Variants in EPS8 observed in about 807,000 individuals in gnomAD.
The protein encoded by EPS8 is EGFR pathway substrate 8, signaling adaptor.
Under a neutral mutation model 103.8 loss-of-function variants are expected in EPS8, and 42 were observed. The ratio of observed to expected loss-of-function variants is 0.40; its 90% CI spans 0.32 to 0.52. The LOEUF (loss-of-function observed/expected upper bound fraction) is 0.52. Ranked by LOEUF, EPS8 falls within the 20% of genes least tolerant of loss-of-function variation. The pLI is 0.40. For missense variants in EPS8, 969 were observed against 1,005.1 expected, an observed-to-expected ratio of 0.96 and a Z score of 0.49; for synonymous variants, 344 against 344.6, an observed-to-expected ratio of 1.00 and a Z score of 0.02.
chr12:15,760,068 C>G lies in EPS8; in HGVS notation c.-22+29093G>C, dbSNP rs938871932. Among the ~76,000 whole-genome samples, 9 of 151,768 alleles carry G rather than the reference C, an allele frequency of 5.9e-5. No homozygotes were observed. The highest frequency in any genetic ancestry group is 3.4e-3 in the Middle Eastern group (1 of 294). On this transcript the variant is annotated intron_variant, in intron 1 of 20. Transcript: ENST00000281172. This position sits in a 1 kb window ranked among gnomAD's most constrained non-coding sequence, Gnocchi z 4.5. ...CAAAATTGATGAACCTTTAGCCATA[C>G]TAAGAAAGAAAGAAAGATCTAAGTA...
intron 18 of EPS8, 142 bp downstream of exon 18, chr12:15,631,300 C>T: frequency 5.1e-6 from 6 of 1,175,250 alleles, no homozygotes; most frequent in Non-Finnish European, 7.1e-6. Flanking sequence ...TGATGAGAAA[C>T]CAGGTGAAAA....
intron 1 of EPS8, among the ~76,000 whole-genome samples, chr12:15,742,042 C>G (rs577993163): frequency 2.0e-5 from 3 of 152,172 alleles, no homozygotes; most frequent in African/African-American, 7.2e-5. Context: ...AGGACATGAA[C>G]TCATCCTTTT....
At position 15,731,064 on chromosome 12, in the gene EPS8, AATATAT is replaced by A. The variant is rs1946710495; in HGVS notation, c.-21-48098_-21-48093del. Among the ~76,000 whole-genome samples, 1 of 152,310 alleles carries A rather than the reference AATATAT, an allele frequency of 6.6e-6. No homozygotes were observed. Among genetic ancestry groups the A allele is most frequent in the South Asian group, 2.1e-4 (1 of 4,826 alleles). On this transcript the variant is annotated intron_variant, in intron 1 of 20. Coordinates refer to ENST00000281172, the MANE Select transcript of EPS8 (RefSeq NM_004447.6). This position sits in a 1 kb window ranked among gnomAD's most constrained non-coding sequence, Gnocchi z 5.1. ...CTCTTGTGCAAAAAGTTCAGTCAAA[AATATAT>A]ATCATAGTACCTTAAAGGCATATCT...
intron 18 of EPS8, 34 bp downstream of exon 18, chr12:15,631,408 C>A (rs760027043): frequency 4.3e-6 from 7 of 1,612,748 alleles, no homozygotes; most frequent in Non-Finnish European, 5.9e-6. Flanking sequence ...TTTTAATTTG[C>A]AGAAGACATT....
At position 15,660,677 on chromosome 12, in the gene EPS8, C is replaced by A; in HGVS notation, c.874G>T (p.Glu292Ter). The change falls in exon 10 of 21, where the codon GAA becomes TAA. Residue 292 changes from glutamate (E) to a stop codon, truncating the protein, a stop_gained. Coordinates refer to ENST00000281172, the MANE Select transcript of EPS8 (RefSeq NM_004447.6). LOFTEE classifies it high-confidence loss of function. ...CTTTTAGAAAGCTCAGAAAATGCTT[C>A]TGCTGCTTTTTGGAGTTTTGTGATA... ...FFITKLQKAA[E>*]AFSELSKRKK... 1 of 1,611,776 alleles carries A rather than the reference C, an allele frequency of 6.2e-7. No individual in the cohort carries two copies. Among genetic ancestry groups the A allele is most frequent in the South Asian group, 1.1e-5 (1 of 90,940 alleles).
At chr12:15,732,737 C>T (rs1215899400) in intron 1 of EPS8, 1 of 976,330 alleles carries the variant, frequency 1.0e-6, no homozygotes, top group East Asian at 1.1e-4. Context: ...ATAAAGAGAA[C>T]ACAAAAGTAC....
chr12:15,773,708 A>G (rs1947178500), intron 1 of EPS8, among the ~76,000 whole-genome samples: 1 of 152,160 alleles, frequency 6.6e-6, no homozygotes, highest in South Asian at 2.1e-4. Flanking sequence ...TAATCTCAGG[A>G]CAACATTATT....
In EPS8 at chr12:15,693,435, T is replaced by C. The variant is rs1342880713; in HGVS notation, c.-21-10463A>G. Among the ~76,000 whole-genome samples the C allele has an allele frequency of 2.6e-5, 4 of 152,216 alleles. No homozygotes were observed. Among genetic ancestry groups the C allele is most frequent in the Non-Finnish European group, 4.4e-5 (3 of 68,036 alleles). On this transcript the variant is annotated intron_variant, in intron 1 of 20. Coordinates refer to ENST00000281172, the MANE Select transcript of EPS8 (RefSeq NM_004447.6). This position sits in a 1 kb window ranked among gnomAD's most constrained non-coding sequence, Gnocchi z 5.6. ...GGAGGCATCTGGGATCCAAGTTCAC[T>C]TTAAACACATGACTAATAAATCCTA...
At chr12:15,666,280 A>T (rs1194227802) in intron 7 of EPS8, among the ~76,000 whole-genome samples, 160 bp downstream of exon 7, 1 of 152,252 alleles carries the variant, frequency 6.6e-6, no homozygotes, top group African/African-American at 2.4e-5. Context: ...AGGAGTAAAC[A>T]CACTGACAAA....
In EPS8 at chr12:15,706,008, CA is replaced by C. The variant is rs1419593437; in HGVS notation, c.-21-23037del. Among the ~76,000 whole-genome samples the C allele has an allele frequency of 1.3e-5, 2 of 152,064 alleles. No individual in the cohort carries two copies. Among genetic ancestry groups the C allele is most frequent in the Non-Finnish European group, 2.9e-5 (2 of 68,020 alleles). On this transcript the variant is annotated intron_variant, in intron 1 of 20. Transcript: ENST00000281172. The surrounding 1 kb of genome is among the most constrained non-coding windows in gnomAD (Gnocchi z 5.2). Reference sequence around the variant, plus strand: ...CACATGTGTTGCTGCTACCACCTATCAGCTATTTTTTTTTTAACTCAAAGAA... The same window carrying C: ...CACATGTGTTGCTGCTACCACCTATCGCTATTTTTTTTTTAACTCAAAGAA...
In EPS8 at chr12:15,647,184, A is replaced by C. The variant is rs768567367; in HGVS notation, c.1511T>G (p.Leu504Arg). 1 of 1,614,078 alleles carries C rather than the reference A, an allele frequency of 6.2e-7. No individual in the cohort carries two copies. Among genetic ancestry groups the C allele is most frequent in the Non-Finnish European group, 8.5e-7 (1 of 1,179,966 alleles). ...AGCAACAGCAGCTTCCCCTTGGTCCAGGTGGGATCCTCTTGTGTAAATGTT... is the reference window on the plus strand; with the variant it reads ...AGCAACAGCAGCTTCCCCTTGGTCCCGGTGGGATCCTCTTGTGTAAATGTT... ...SSNIYTRGSH[L>R]DQGEAAVAFK... Residue 504 changes from leucine (L) to arginine (R), a missense_variant, in exon 15 of 21, where the codon CTG becomes CGG. Transcript: ENST00000281172.
chr12:15,658,494 T>C lies in EPS8; in HGVS notation c.1026+3A>G, dbSNP rs1730960486. 1.3e-6 allele frequency: 2 copies of C among 1,580,008 alleles called. No homozygotes were observed. ...TAATTCTATATACATAAATTTCACT[T>C]ACCAGAAGGTTAAATCCGTGTTTAA... On this transcript the variant is annotated splice_donor_region_variant and intron_variant, in intron 11 of 20. Transcript: ENST00000281172.
In EPS8 at chr12:15,643,434, T is replaced by G. The variant is rs1415268823; in HGVS notation, c.1569-1604A>C. Among the ~76,000 whole-genome samples, 5 of 152,102 alleles carry G rather than the reference T, an allele frequency of 3.3e-5. No individual in the cohort carries two copies. The South Asian group carries it at 8.3e-4, about 25-fold the overall frequency. ...CAAACAGACAATCACAATTTGTAATTTTTCAGAGATGCCAGACTTTCTTGG... is the reference window on the plus strand; with the variant it reads ...CAAACAGACAATCACAATTTGTAATGTTTCAGAGATGCCAGACTTTCTTGG... On this transcript the variant is annotated intron_variant, in intron 15 of 20. Transcript: ENST00000281172.
chr12:15,788,130 C>CA (rs1460839458), intron 1 of EPS8: 1 of 152,160 alleles, frequency 6.6e-6, no homozygotes, highest in East Asian at 1.9e-4. Context: ...TCCTATTTCC[C>CA]AAAAATGACA....
chr12:15,766,569 T>C (rs1194630255), intron 1 of EPS8, among the ~76,000 whole-genome samples: 1 of 151,628 alleles, frequency 6.6e-6, no homozygotes, highest in Non-Finnish European at 1.5e-5. Context: ...TCCCAGCTAC[T>C]TGGGAGGCTG....
chr12:15,789,106 GA>G lies in EPS8; in HGVS notation c.-22+54del, dbSNP rs1947341295. The G allele has an allele frequency of 6.6e-6, 1 of 152,136 alleles. No homozygotes were observed. Among genetic ancestry groups the G allele is most frequent in the Non-Finnish European group, 1.5e-5 (1 of 68,028 alleles). 9.4% of individuals were successfully genotyped at this position (152,136 alleles called of 1,614,324 possible). ...CACAAAGGCGGATTTTTAAAATCGA[GA>G]AAGTCAAAGCCGCCGGACCCCGGGA... On this transcript the variant is annotated intron_variant, in intron 1 of 20. Coordinates refer to ENST00000281172, the MANE Select transcript of EPS8 (RefSeq NM_004447.6). This position sits in a 1 kb window ranked among gnomAD's most constrained non-coding sequence, Gnocchi z 6.1.
chr12:15,703,918 C>T (rs1164943587), intron 1 of EPS8, among the ~76,000 whole-genome samples: 1 of 134,384 alleles, frequency 7.4e-6, no homozygotes, highest in Non-Finnish European at 1.5e-5. Context: ...TCTCCAAACT[C>T]CGTAATTATC....
intron 18 of EPS8, 138 bp downstream of exon 18, chr12:15,631,304 G>C (rs1012666594): frequency 8.1e-7 from 1 of 1,227,334 alleles, no homozygotes; most frequent in Non-Finnish European, 1.1e-6. Context: ...GAGAAACCAG[G>C]TGAAAATCTT....
At chr12:15,724,980 A>T (rs1369417149) in intron 1 of EPS8, among the ~76,000 whole-genome samples, 1 of 152,184 alleles carries the variant, frequency 6.6e-6, no homozygotes, top group Non-Finnish European at 1.5e-5. Flanking sequence ...CATGAAAATA[A>T]TAAGTCTTCA....
Sources: gnomAD v4.1 joint callset for allele counts (sites outside exome capture counted in the v4.1 genomes callset) on GRCh38, gnomAD v4.1.1 for gene constraint, Gnocchi (gnomAD v3.1) non-coding constraint, MANE v1.5 for transcripts, NCBI Gene and HGNC (gene_info 2026-07-23, HGNC 2026-07-21) for gene names.